Variants in HERC3 observed in about 807,000 individuals in gnomAD.
HERC3 encodes the protein HECT and RLD domain containing E3 ubiquitin protein ligase 3, also known as probable E3 ubiquitin-protein ligase HERC3.
A neutral mutation model predicts 129.9 loss-of-function variants in HERC3; 58 were observed. The observed-to-expected ratio is 0.45, with a 90% CI of 0.36 to 0.56. The LOEUF is 0.56. Ranked by LOEUF, HERC3 falls within the 20% of genes least tolerant of loss-of-function variation. The pLI is 0.00. For missense variants in HERC3, 835 were observed against 1,244.2 expected, an observed-to-expected ratio of 0.67 and a Z score of 4.95; for synonymous variants, 430 against 451.0, an observed-to-expected ratio of 0.95 and a Z score of 0.59.
At chr4:88,656,073 AG>A in intron 9 of HERC3, 38 bp downstream of exon 9, 1 of 1,601,392 alleles carries the variant, frequency 6.2e-7, no homozygotes. Flanking sequence ...AGGTATTTTA[AG>A]TGATGAAAAC....
At chr4:88,551,759 T>C in the HERC3 span, among the ~76,000 whole-genome samples, 1 of 152,086 alleles carries the variant, frequency 6.6e-6, no homozygotes, top group African/African-American at 2.4e-5. Context: ...AGAAATACCA[T>C]TTGACCCAGC....
At chr4:88,591,239 G>A (rs1159839301), upstream of HERC3, among the ~76,000 whole-genome samples, 1 of 152,138 alleles carries the variant, frequency 6.6e-6, no homozygotes, top group Non-Finnish European at 1.5e-5. Flanking sequence ...AATTTCAAAG[G>A]TTTGGATTTT....
the HERC3 span, among the ~76,000 whole-genome samples, chr4:88,544,686 T>C: frequency 1.3e-5 from 2 of 152,338 alleles, no homozygotes; most frequent in South Asian, 4.1e-4. Flanking sequence ...CCATCAATGA[T>C]AGACTGGATT....
intron 5 of HERC3, 83 bp downstream of exon 5, chr4:88,652,171 T>C: frequency 9.6e-7 from 1 of 1,044,104 alleles, no homozygotes; most frequent in East Asian, 2.4e-5. Context: ...ATTATCTAAC[T>C]GAAAACTTTG....
chr4:88,638,638 T>G (rs1222496284), intron 3 of HERC3, among the ~76,000 whole-genome samples: 2 of 152,202 alleles, frequency 1.3e-5, no homozygotes, highest in African/African-American at 4.8e-5. Flanking sequence ...AGTATCGTAC[T>G]GAATAGGCAA....
At position 88,694,818 on chromosome 4, in the gene HERC3, A is replaced by G. The variant is rs138618374; in HGVS notation, c.2657+7519A>G. Among the ~76,000 whole-genome samples, 113 of 152,160 alleles carry G rather than the reference A, an allele frequency of 7.4e-4. 3 individuals carry two copies. In the East Asian group the frequency reaches 0.02, roughly 26 times the overall value. On this transcript the variant is annotated intron_variant, in intron 23 of 25. Coordinates refer to ENST00000402738, the MANE Select transcript of HERC3 (RefSeq NM_014606.3). Reference sequence around the variant, plus strand: ...TATTAGAGGTTTTATAAATGTTTTGATTTCTTATTTTTACTCTGAGAGCCT... The same window carrying G: ...TATTAGAGGTTTTATAAATGTTTTGGTTTCTTATTTTTACTCTGAGAGCCT...
At chr4:88,608,594 T>C (rs1328995365) in intron 3 of HERC3, among the ~76,000 whole-genome samples, 1 of 152,242 alleles carries the variant, frequency 6.6e-6, no homozygotes, top group Admixed American at 6.5e-5. Flanking sequence ...AAAGGTATCA[T>C]ATACAACTAC....
intron 23 of HERC3, among the ~76,000 whole-genome samples, chr4:88,699,986 C>T (rs1735181525): frequency 6.6e-6 from 1 of 152,086 alleles, no homozygotes; most frequent in South Asian, 2.1e-4. Context: ...CCTTCCCCAG[C>T]ATCCAGCCCT....
At chr4:88,706,713 G>A (rs370634915) in intron 25 of HERC3, 39 bp from the exon 26 acceptor site, 39 of 1,565,044 alleles carry the variant, frequency 2.5e-5, no homozygotes, top group African/African-American at 6.8e-5. Context: ...TCCATTTTCC[G>A]TTTGCTTAGC....
chr4:88,642,475 T>G (rs542174980), intron 3 of HERC3, among the ~76,000 whole-genome samples: 2 of 152,350 alleles, frequency 1.3e-5, no homozygotes, highest in Non-Finnish European at 2.9e-5. Flanking sequence ...TTCAGTTCAT[T>G]TGGGGTGCTA....
chr4:88,548,717 G>C, the HERC3 span, among the ~76,000 whole-genome samples: 1 of 151,024 alleles, frequency 6.6e-6, no homozygotes, highest in Admixed American at 6.6e-5. Context: ...CTGGAGGGCA[G>C]TGGCACCATC....
intron 23 of HERC3, chr4:88,689,902 C>T (rs1226792944): frequency 2.8e-6 from 2 of 707,248 alleles, no homozygotes. Context: ...TAACAAACGA[C>T]TCGAAGCTAG....
chr4:88,636,514 C>A (rs1203565048), intron 3 of HERC3, among the ~76,000 whole-genome samples: 3 of 152,160 alleles, frequency 2.0e-5, no homozygotes, highest in Non-Finnish European at 4.4e-5. Context: ...TAGAGACCTA[C>A]AAAGAGAGTT....
the HERC3 span, among the ~76,000 whole-genome samples, chr4:88,567,446 A>G: frequency 6.6e-6 from 1 of 151,972 alleles, no homozygotes; most frequent in Non-Finnish European, 1.5e-5. Flanking sequence ...CATTTTCTAC[A>G]TCTTGTAGGT....
the HERC3 span, among the ~76,000 whole-genome samples, chr4:88,558,319 C>T: frequency 6.6e-6 from 1 of 152,114 alleles, no homozygotes; most frequent in Non-Finnish European, 1.5e-5. Flanking sequence ...ACTACTCAGC[C>T]ACAAAACAGA....
intron 3 of HERC3, among the ~76,000 whole-genome samples, chr4:88,615,440 T>C (rs568843102): frequency 1.4e-4 from 22 of 152,250 alleles, no homozygotes; most frequent in Non-Finnish European, 1.9e-4. Flanking sequence ...CATATCCTTG[T>C]AGACTTTCCA....
chr4:88,536,137 G>A, the HERC3 span, among the ~76,000 whole-genome samples: 1 of 152,176 alleles, frequency 6.6e-6, no homozygotes, highest in Non-Finnish European at 1.5e-5. Context: ...TGGCTTATGA[G>A]GCCCTCCAGC....
At chr4:88,640,672 A>G (rs1727987026) in intron 3 of HERC3, among the ~76,000 whole-genome samples, 1 of 151,610 alleles carries the variant, frequency 6.6e-6, no homozygotes, top group Admixed American at 6.5e-5. Context: ...CCACCATGGC[A>G]CATGTATACC....
At chr4:88,623,161 C>G (rs1269364188) in intron 3 of HERC3, among the ~76,000 whole-genome samples, 1 of 152,212 alleles carries the variant, frequency 6.6e-6, no homozygotes, top group Non-Finnish European at 1.5e-5. Context: ...TGGGCAACTT[C>G]AGATTTCTGG....
Sources: allele counts gnomAD v4.1 joint callset (sites outside exome capture counted in the v4.1 genomes callset), GRCh38; gene constraint gnomAD v4.1.1; transcripts MANE v1.5; gene names NCBI Gene and HGNC (gene_info 2026-07-23, HGNC 2026-07-21).